RNF216: variants seen among roughly 807,000 people sequenced by gnomAD.
The protein encoded by RNF216 is ring finger protein 216.
RNF216 carries 72 observed loss-of-function variants against 110.8 expected under a neutral mutation model. The observed-to-expected ratio is 0.65, with a 90% CI of 0.54 to 0.79. RNF216 has a LOEUF of 0.79. Ranked by LOEUF, RNF216 falls within the 30% of genes least tolerant of loss-of-function variation. RNF216 has a pLI of 0.00. For synonymous variants in RNF216, 495 were observed against 407.5 expected (o/e 1.21, Z -2.59); for missense variants, 1,342 against 1,141.2 (o/e 1.18, Z -2.54).
At chr7:5,763,851 G>A (rs1584600824) in intron 1 of RNF216, among the ~76,000 whole-genome samples, 1 of 152,092 alleles carries the variant, frequency 6.6e-6, no homozygotes, top group Non-Finnish European at 1.5e-5. Context: ...GCGATTACAG[G>A]TGTGAACCAC....
rs1008543864 is a variant in RNF216 at position 5,624,787 on chromosome 7, G to A, written c.2383-662C>T. 6.6e-6 allele frequency among the ~76,000 whole-genome samples: 1 copy of A among 152,242 alleles called. No individual in the cohort carries two copies. Among genetic ancestry groups the A allele is most frequent in the Non-Finnish European group, 1.5e-5 (1 of 68,042 alleles). On this transcript the variant is annotated intron_variant, in intron 15 of 16. Coordinates refer to ENST00000389902, the MANE Select transcript of RNF216 (RefSeq NM_207111.4). The surrounding 1 kb of genome is among the most constrained non-coding windows in gnomAD (Gnocchi z 4.4). ...CTCAGACACGAACCGAAGAGGCACT[G>A]TGAGTGCAGGCAGATGTGGGAGCTG...
At chr7:5,660,502 G>A (rs767572883) in intron 13 of RNF216, among the ~76,000 whole-genome samples, 1 of 151,564 alleles carries the variant, frequency 6.6e-6, no homozygotes, top group Non-Finnish European at 1.5e-5. Flanking sequence ...ATGTCGGCCA[G>A]GATGGTCTCC....
chr7:5,684,695 A>G (rs1419414722), intron 13 of RNF216, among the ~76,000 whole-genome samples: 2 of 152,204 alleles, frequency 1.3e-5, no homozygotes, highest in East Asian at 3.8e-4. Flanking sequence ...TGATACCTGA[A>G]CAACACCCTA....
At chr7:5,652,270 G>A in intron 14 of RNF216, 143 bp downstream of exon 14, 2 of 627,158 alleles carry the variant, frequency 3.2e-6, no homozygotes, top group Non-Finnish European at 5.8e-6. Context: ...GAGGCTCAAG[G>A]GTTAGATTAC....
At chr7:5,744,289 A>G (rs1794918331) in intron 3 of RNF216, among the ~76,000 whole-genome samples, 1 of 152,240 alleles carries the variant, frequency 6.6e-6, no homozygotes, top group Admixed American at 6.5e-5. Flanking sequence ...ACAGTTGAAG[A>G]GAGAAATTAG....
At chr7:5,774,053 G>A (rs1393059435) in intron 1 of RNF216, among the ~76,000 whole-genome samples, 2 of 152,200 alleles carry the variant, frequency 1.3e-5, no homozygotes, top group African/African-American at 4.8e-5. Flanking sequence ...CCCAACCTGT[G>A]AGAAGAAAAG....
At chr7:5,692,558 C>G (rs1791400558) in intron 13 of RNF216, among the ~76,000 whole-genome samples, 1 of 152,196 alleles carries the variant, frequency 6.6e-6, no homozygotes, top group African/African-American at 2.4e-5. Flanking sequence ...AGAGCTTGTG[C>G]TGCAAGCAGA....
intron 14 of RNF216, among the ~76,000 whole-genome samples, chr7:5,650,295 G>A (rs1481890939): frequency 6.6e-6 from 1 of 152,200 alleles, no homozygotes; most frequent in Non-Finnish European, 1.5e-5. Context: ...CTAAAAGGCT[G>A]CCAGGTTTAA....
intron 14 of RNF216, among the ~76,000 whole-genome samples, chr7:5,642,372 C>A (rs929876865): frequency 6.6e-6 from 1 of 152,090 alleles, no homozygotes; most frequent in Non-Finnish European, 1.5e-5. Flanking sequence ...CACCACCATG[C>A]CCAGCTAAGT....
rs34504327 is a variant in RNF216, at chr7:5,772,775, CT to C, written c.-70+8765del. On this transcript the variant is annotated intron_variant, in intron 1 of 16. Coordinates refer to ENST00000389902, the MANE Select transcript of RNF216 (RefSeq NM_207111.4). Reference sequence around the variant, plus strand: ...CATTGATAACTGAAAAAAGATATTCCTTTTTTTTTTTTTTTTTTTGAGACAG... The same window carrying C: ...CATTGATAACTGAAAAAAGATATTCCTTTTTTTTTTTTTTTTTTGAGACAG... 5.3e-3 allele frequency among the ~76,000 whole-genome samples: 713 copies of C among 133,556 alleles called. 3 individuals are homozygous for C. Among genetic ancestry groups the C allele is most frequent in the African/African-American group, 0.014 (506 of 36,604 alleles). The allele number at this position is 133,556 out of a possible 152,430, so 87.6% of individuals were successfully genotyped here.
At chr7:5,645,831 C>T (rs1259079225) in intron 14 of RNF216, among the ~76,000 whole-genome samples, 2 of 152,158 alleles carry the variant, frequency 1.3e-5, no homozygotes, top group South Asian at 4.1e-4. Flanking sequence ...CTCAAGTGAT[C>T]CGCCCACGTC....
At chr7:5,779,567 C>T (rs1352647959) in intron 1 of RNF216, among the ~76,000 whole-genome samples, 2 of 150,564 alleles carry the variant, frequency 1.3e-5, no homozygotes, top group South Asian at 2.1e-4. Flanking sequence ...TGGCAGAGCA[C>T]GGTGGCTAAA....
At chr7:5,750,711 T>A (rs778132195) in intron 3 of RNF216, among the ~76,000 whole-genome samples, 1 of 152,174 alleles carries the variant, frequency 6.6e-6, no homozygotes, top group African/African-American at 2.4e-5. Flanking sequence ...GCAAACCACA[T>A]TGGAGCAAGA....
intron 13 of RNF216, among the ~76,000 whole-genome samples, chr7:5,705,894 C>T (rs971938326): frequency 2.0e-5 from 3 of 147,920 alleles, no homozygotes; most frequent in African/African-American, 5.0e-5. Context: ...GCAAGAAGAG[C>T]GAAACTCCAT....
intron 1 of RNF216, among the ~76,000 whole-genome samples, chr7:5,764,456 T>A (rs1796096463): frequency 6.6e-6 from 1 of 152,074 alleles, no homozygotes. Flanking sequence ...GAGACCAGCC[T>A]GGTCAACATG....
rs1461618276 is a variant in RNF216, at chr7:5,660,350, G to C, written c.2062-7840C>G. Among the ~76,000 whole-genome samples the C allele has an allele frequency of 7.4e-5, 9 of 122,114 alleles. 1 individual carries two copies. In the South Asian group the frequency reaches 2.2e-3, roughly 30 times the overall value. 80.1% of individuals were successfully genotyped at this position (122,114 alleles called of 152,430 possible). ...CTTTGTCACCAGGCTAGAGTGCAGT[G>C]GCGCAATCTCGGCTCACTGCAAGCT... On this transcript the variant is annotated intron_variant, in intron 13 of 16. Transcript: ENST00000389902.
At chr7:5,732,874 A>G (rs915848136) in intron 5 of RNF216, 5 of 152,212 alleles carry the variant, frequency 3.3e-5, no homozygotes, top group South Asian at 2.1e-4. Flanking sequence ...TAGTACTCCA[A>G]CCTTTCAACC....
chr7:5,723,651 A>AT (rs549446984), intron 8 of RNF216, among the ~76,000 whole-genome samples: 73 of 152,244 alleles, frequency 4.8e-4, no homozygotes, highest in African/African-American at 1.6e-3. Context: ...CGTCTCAAAA[A>AT]AAAAAAATAA....
At chr7:5,672,816 G>C (rs1205290633) in intron 13 of RNF216, among the ~76,000 whole-genome samples, 7 of 152,110 alleles carry the variant, frequency 4.6e-5, no homozygotes, top group Non-Finnish European at 1.0e-4. Flanking sequence ...GTAGAGCACT[G>C]GGAGGCGAGG....
Sources: allele counts gnomAD v4.1 joint callset (sites outside exome capture counted in the v4.1 genomes callset), GRCh38; gene constraint gnomAD v4.1.1; non-coding constraint Gnocchi (gnomAD v3.1); transcripts MANE v1.5; gene names NCBI Gene and HGNC (gene_info 2026-07-23, HGNC 2026-07-21).